Variants in PALS2 observed in about 807,000 individuals in gnomAD.
PALS2 encodes the protein protein PALS2.
In PALS2, 27 loss-of-function variants were observed where a neutral mutation model predicts 61.6. That is an observed-to-expected ratio of 0.44 (90% CI 0.32 to 0.60). PALS2 has a LOEUF of 0.60. Ranked by LOEUF, PALS2 falls within the 20% of genes least tolerant of loss-of-function variation. The pLI is 0.05. For missense variants in PALS2, 554 were observed against 639.4 expected, an observed-to-expected ratio of 0.87 and a Z score of 1.44; for synonymous variants, 236 against 218.6, an observed-to-expected ratio of 1.08 and a Z score of -0.70.
At position 24,691,405 on chromosome 7, in the gene PALS2, G is replaced by GTGTGTGTGTA. The variant is rs1274329385; in HGVS notation, c.*3792_*3793insGTGTGTGTAT. ...ATATTATGTATGTGTGTGTGTGTGT[G>GTGTGTGTGTA]TATATATATATATATATATATATAT... On this transcript the variant is annotated 3_prime_UTR_variant, in exon 12 of 12. Coordinates refer to ENST00000222644, the MANE Select transcript of PALS2 (RefSeq NM_001303037.2). 16 of 110,586 alleles carry GTGTGTGTGTA rather than the reference G, an allele frequency of 1.4e-4. No individual in the cohort carries two copies. Among genetic ancestry groups the GTGTGTGTGTA allele is most frequent in the African/African-American group, 4.6e-4 (15 of 32,372 alleles). 6.9% of individuals were successfully genotyped at this position (110,586 alleles called of 1,614,324 possible). A position where few individuals can be genotyped will look rare whatever the true frequency, so the allele number is the denominator to read the frequency against.
At position 24,579,917 on chromosome 7, in the gene PALS2, T is replaced by C. The variant is rs189546356; in HGVS notation, c.-3+6324T>C. The stretch of plus-strand genomic sequence containing the variant: ...TTGTTCTGTAGGATATTATTAGATA[T>C]TAGTTGGGTAGGATTAATATTTTTA... On this transcript the variant is annotated intron_variant, in intron 1 of 11. Transcript: ENST00000222644. Among the ~76,000 whole-genome samples the C allele has an allele frequency of 2.3e-3, 350 of 152,266 alleles. 1 individual carries two copies. Among genetic ancestry groups the C allele is most frequent in the African/African-American group, 7.9e-3 (330 of 41,560 alleles).
rs546092519 is a variant in PALS2 at position 24,612,816 on chromosome 7, C to T, written c.-2-10850C>T. ...GCATTTCTTAAAATGCTATGTCTTA[C>T]TACATTACTTAAAACTTAAACTACA... On this transcript the variant is annotated intron_variant, in intron 1 of 11. Transcript: ENST00000222644. 4.3e-4 allele frequency among the ~76,000 whole-genome samples: 66 copies of T among 151,952 alleles called. 1 individual carries two copies. The highest frequency in any genetic ancestry group is 1.5e-3 in the African/African-American group (61 of 41,552).
At chr7:24,582,682 G>T (rs985234283) in intron 1 of PALS2, among the ~76,000 whole-genome samples, 10 of 151,638 alleles carry the variant, frequency 6.6e-5, no homozygotes, top group Non-Finnish European at 8.8e-5. Flanking sequence ...CCTAACTTTA[G>T]TTACATAAAT....
chr7:24,686,202 C>A (rs775581618), intron 11 of PALS2, among the ~76,000 whole-genome samples: 1 of 152,138 alleles, frequency 6.6e-6, no homozygotes, highest in Non-Finnish European at 1.5e-5. Context: ...TATTTTATCA[C>A]CAAAATAAAT....
intron 2 of PALS2, 45 bp downstream of exon 2, chr7:24,623,829 GT>G: frequency 7.4e-7 from 1 of 1,355,286 alleles, no homozygotes; most frequent in Non-Finnish European, 1.0e-6. Flanking sequence ...TTTGGACTTA[GT>G]TTTTATAGAG....
intron 9 of PALS2, among the ~76,000 whole-genome samples, chr7:24,669,819 A>G (rs1168022784): frequency 6.6e-6 from 1 of 152,224 alleles, no homozygotes; most frequent in Non-Finnish European, 1.5e-5. Flanking sequence ...TAAATCACTA[A>G]ATTTAGACAA....
intron 6 of PALS2, among the ~76,000 whole-genome samples, chr7:24,664,604 A>C (rs891708022): frequency 6.6e-6 from 1 of 152,178 alleles, no homozygotes; most frequent in Admixed American, 6.5e-5. Flanking sequence ...AGGAGAAACA[A>C]ATCACAGAAT....
At chr7:24,586,274 CAGACTGTAAGTTCTGAGAGAAT>C (rs1562598989) in intron 1 of PALS2, among the ~76,000 whole-genome samples, 2 of 151,992 alleles carry the variant, frequency 1.3e-5, no homozygotes, top group Non-Finnish European at 2.9e-5. Context: ...TCATGTGTGG[CAGACTGTAAGTTCTGAGAGAAT>C]TCAGAAGAAG....
chr7:24,634,849 T>A (rs1785164804), intron 2 of PALS2, among the ~76,000 whole-genome samples: 1 of 152,180 alleles, frequency 6.6e-6, no homozygotes, highest in Admixed American at 6.5e-5. Context: ...ATTGAGTGGT[T>A]TTGGGCACCT....
At chr7:24,656,436 T>G (rs988994464) in intron 5 of PALS2, among the ~76,000 whole-genome samples, 10 of 152,218 alleles carry the variant, frequency 6.6e-5, no homozygotes, top group Non-Finnish European at 1.2e-4. Flanking sequence ...AAGTGTACAA[T>G]TTGATACATG....
At chr7:24,633,964 C>T (rs180841810) in intron 2 of PALS2, among the ~76,000 whole-genome samples, 1 of 151,946 alleles carries the variant, frequency 6.6e-6, no homozygotes, top group Non-Finnish European at 1.5e-5. Flanking sequence ...TTTGTGTTTC[C>T]CTGGAGACTA....
intron 2 of PALS2, among the ~76,000 whole-genome samples, chr7:24,639,962 G>A (rs749622602): frequency 6.6e-6 from 1 of 151,658 alleles, no homozygotes; most frequent in Middle Eastern, 3.4e-3. Context: ...GATTACAGGC[G>A]TCCACCACCA....
intron 1 of PALS2, among the ~76,000 whole-genome samples, chr7:24,613,098 A>C (rs1360081213): frequency 4.6e-5 from 7 of 151,564 alleles, no homozygotes; most frequent in African/African-American, 1.7e-4. Context: ...TTACATTATA[A>C]TTTTTTAACT....
chr7:24,684,300 A>G (rs1349565333), intron 11 of PALS2, among the ~76,000 whole-genome samples: 1 of 152,166 alleles, frequency 6.6e-6, no homozygotes, highest in Non-Finnish European at 1.5e-5. Flanking sequence ...GCGTTTCACC[A>G]TGTTGGCCAG....
intron 2 of PALS2, among the ~76,000 whole-genome samples, chr7:24,638,993 T>G (rs539491552): frequency 4.6e-4 from 70 of 152,298 alleles, no homozygotes; most frequent in African/African-American, 1.6e-3. Context: ...TAGCTCTTAC[T>G]TAGAGCAAAG....
intron 5 of PALS2, among the ~76,000 whole-genome samples, chr7:24,656,689 A>G (rs1020485193): frequency 6.6e-6 from 1 of 151,540 alleles, no homozygotes; most frequent in Non-Finnish European, 1.5e-5. Context: ...CACCCGGCTA[A>G]TATTTGTATT....
At chr7:24,608,260 A>AT (rs1261075763) in intron 1 of PALS2, among the ~76,000 whole-genome samples, 7 of 152,022 alleles carry the variant, frequency 4.6e-5, no homozygotes, top group Admixed American at 1.3e-4. Flanking sequence ...GGAAATCCCC[A>AT]TTTTTTTATG....
intron 1 of PALS2, among the ~76,000 whole-genome samples, chr7:24,583,875 T>C (rs995487203): frequency 2.6e-5 from 4 of 151,808 alleles, no homozygotes; most frequent in Non-Finnish European, 5.9e-5. Flanking sequence ...TGTGATCTCA[T>C]TGTTCAGTTC....
At chr7:24,671,525 C>G (rs766988645) in intron 9 of PALS2, among the ~76,000 whole-genome samples, 28 of 152,054 alleles carry the variant, frequency 1.8e-4, no homozygotes, top group Non-Finnish European at 3.8e-4. Context: ...AAAAGTTTTT[C>G]ATTTTGATGA....
Sources: allele counts gnomAD v4.1 joint callset (sites outside exome capture counted in the v4.1 genomes callset), GRCh38; gene constraint gnomAD v4.1.1; transcripts MANE v1.5; gene names NCBI Gene and HGNC (gene_info 2026-07-23, HGNC 2026-07-21).